Variants in UBE3A observed in about 807,000 individuals in gnomAD.
UBE3A encodes ubiquitin-protein ligase E3A.
A neutral mutation model predicts 83.4 loss-of-function variants in UBE3A; 6 were observed. That is an observed-to-expected ratio of 0.07 (90% confidence interval 0.04 to 0.14). The LOEUF is 0.14. UBE3A is among the 10% of genes least tolerant of loss of function. The probability of loss-of-function intolerance (pLI) is 1.00; values close to 1 mark genes in which losing one functional copy is unlikely to be tolerated. For missense variants in UBE3A, 456 were observed against 1,036.1 expected (o/e 0.44, Z 7.69); for synonymous variants, 337 against 355.4 (o/e 0.95, Z 0.58).
rs774138623 is a variant in UBE3A at position 25,354,339 on chromosome 15, A to G, written c.2354+14T>C. On this transcript the variant is annotated intron_variant, in intron 11 of 12. Coordinates refer to ENST00000648336, the MANE Select transcript of UBE3A (RefSeq NM_130839.5). The stretch of plus-strand genomic sequence containing the variant: ...GGTGAATCAAATCTTCCTCTGAAGA[A>G]CTAAGTACCTCACCTAATCAGAACA... 5 of 1,611,778 alleles carry G rather than the reference A, an allele frequency of 3.1e-6. No homozygotes were observed. Among genetic ancestry groups the G allele is most frequent in the Non-Finnish European group, 3.4e-6 (4 of 1,179,086 alleles).
chr15:25,395,307 T>A (rs2085304510), intron 4 of UBE3A, among the ~76,000 whole-genome samples: 1 of 152,122 alleles, frequency 6.6e-6, no homozygotes, highest in Non-Finnish European at 1.5e-5. Context: ...ATGGTTTAAC[T>A]CAGATTTTAA....
intron 4 of UBE3A, among the ~76,000 whole-genome samples, chr15:25,401,682 T>G (rs1263763119): frequency 6.6e-6 from 1 of 152,184 alleles, no homozygotes; most frequent in Non-Finnish European, 1.5e-5. Context: ...AGTCATCTCT[T>G]TTTTTCTTAG....
At chr15:25,356,623 CAT>C (rs1347853647) in intron 8 of UBE3A, 66 bp downstream of exon 8, 2 of 1,472,522 alleles carry the variant, frequency 1.4e-6, no homozygotes, top group Non-Finnish European at 1.9e-6. Context: ...AAAATTTTGA[CAT>C]AAATTAAATT....
intron 1 of UBE3A, among the ~76,000 whole-genome samples, chr15:25,437,858 G>T (rs1444232818): frequency 6.6e-6 from 1 of 151,818 alleles, no homozygotes; most frequent in Non-Finnish European, 1.5e-5. Context: ...AAAGGGGGGG[G>T]AAAAAAGGCC....
At chr15:25,362,370 G>T (rs1472559534) in intron 6 of UBE3A, among the ~76,000 whole-genome samples, 1 of 152,154 alleles carries the variant, frequency 6.6e-6, no homozygotes, top group Non-Finnish European at 1.5e-5. Context: ...GAAAGACCAA[G>T]AGTCAGTCAG....
At chr15:25,351,996 C>T (rs1034291676) in intron 11 of UBE3A, among the ~76,000 whole-genome samples, 2 of 152,036 alleles carry the variant, frequency 1.3e-5, no homozygotes, top group Non-Finnish European at 1.5e-5. Flanking sequence ...GAGTTTGAGA[C>T]CAGCCTGGCC....
intron 4 of UBE3A, among the ~76,000 whole-genome samples, chr15:25,381,374 A>T (rs2082140859): frequency 6.6e-6 from 1 of 152,258 alleles, no homozygotes. Flanking sequence ...AAGATGTGAC[A>T]GTGAACGCCA....
intron 1 of UBE3A, among the ~76,000 whole-genome samples, chr15:25,413,184 G>A (rs567436456): frequency 1.3e-5 from 2 of 152,176 alleles, no homozygotes; most frequent in African/African-American, 4.8e-5. Flanking sequence ...CCTAATACCA[G>A]ACATAGTTCT....
chr15:25,342,545 G>A (rs560425279), intron 11 of UBE3A, among the ~76,000 whole-genome samples: 3 of 152,052 alleles, frequency 2.0e-5, no homozygotes, highest in Non-Finnish European at 4.4e-5. Context: ...AAGAAAACAC[G>A]AAGAAGCTTC....
chr15:25,335,886 C>T lies in UBE3A; in HGVS notation c.*3251G>A, dbSNP rs988855370. 1 of 152,048 alleles carries T rather than the reference C, an allele frequency of 6.6e-6. No homozygotes were observed. Among genetic ancestry groups the T allele is most frequent in the Non-Finnish European group, 1.5e-5 (1 of 68,042 alleles). The allele number at this position is 152,048 out of a possible 1,614,324, so 9.4% of individuals were successfully genotyped here. ...TAAACTGGGATGGAAAAACAAGTAGCCAGAGAAGCAACAGCCCAAGCTAGG... is the reference window on the plus strand; with the variant it reads ...TAAACTGGGATGGAAAAACAAGTAGTCAGAGAAGCAACAGCCCAAGCTAGG... On this transcript the variant is annotated 3_prime_UTR_variant, in exon 13 of 13. Transcript: ENST00000648336.
At chr15:25,379,226 C>T (rs1438276485) in intron 4 of UBE3A, among the ~76,000 whole-genome samples, 2 of 152,170 alleles carry the variant, frequency 1.3e-5, no homozygotes, top group Admixed American at 6.5e-5. Context: ...ACATACTAAG[C>T]ACTATGAAAG....
At chr15:25,386,905 A>C (rs1478629402) in intron 4 of UBE3A, among the ~76,000 whole-genome samples, 1 of 152,216 alleles carries the variant, frequency 6.6e-6, no homozygotes, top group Non-Finnish European at 1.5e-5. Flanking sequence ...ATTTGTTGTC[A>C]GTACACCTGC....
intron 4 of UBE3A, among the ~76,000 whole-genome samples, chr15:25,384,938 C>T (rs2082845573): frequency 6.6e-6 from 1 of 152,134 alleles, no homozygotes; most frequent in Non-Finnish European, 1.5e-5. Flanking sequence ...TATCTCACAC[C>T]ATATACAAAG....
rs117958202 is a variant in UBE3A at position 25,431,952 on chromosome 15, A to T, written c.-165+6537T>A. ...TAAGACAATTAACAAGCTGGAAATAACCCATATTTCCCCTTATGACCCATT... is the reference window on the plus strand; with the variant it reads ...TAAGACAATTAACAAGCTGGAAATATCCCATATTTCCCCTTATGACCCATT... On this transcript the variant is annotated intron_variant, in intron 1 of 12. Coordinates refer to ENST00000648336, the MANE Select transcript of UBE3A (RefSeq NM_130839.5). Among the ~76,000 whole-genome samples, 81 of 152,328 alleles carry T rather than the reference A, an allele frequency of 5.3e-4. 2 individuals carry two copies. In the East Asian group the frequency reaches 0.013, roughly 24 times the overall value.
chr15:25,372,987 T>C (rs1342284148), intron 5 of UBE3A, among the ~76,000 whole-genome samples: 1 of 152,204 alleles, frequency 6.6e-6, no homozygotes, highest in African/African-American at 2.4e-5. Flanking sequence ...TACCAAATTT[T>C]ATCATACTAA....
chr15:25,352,287 G>A (rs868119704), intron 11 of UBE3A, among the ~76,000 whole-genome samples: 7 of 152,094 alleles, frequency 4.6e-5, no homozygotes, highest in South Asian at 2.1e-4. Flanking sequence ...AAACAGCCTC[G>A]CAGTTTTTAT....
intron 11 of UBE3A, among the ~76,000 whole-genome samples, chr15:25,341,759 C>CAA (rs760767983): frequency 1.1e-4 from 3 of 28,174 alleles, no homozygotes; most frequent in Non-Finnish European, 1.5e-4. Context: ...TGAGCCATCT[C>CAA]AAAAAAAAAA....
intron 11 of UBE3A, among the ~76,000 whole-genome samples, chr15:25,351,759 A>T (rs2076541016): frequency 6.6e-6 from 1 of 152,068 alleles, no homozygotes; most frequent in Admixed American, 6.5e-5. Flanking sequence ...GTGCTGAAAA[A>T]GCTCTCCCTG....
chr15:25,384,951 G>A lies in UBE3A; in HGVS notation c.63-9188C>T, dbSNP rs985091143. Among the ~76,000 whole-genome samples the A allele has an allele frequency of 5.3e-5, 8 of 152,254 alleles. No individual in the cohort carries two copies. The East Asian group carries it at 1.5e-3, about 29-fold the overall frequency. ...CTTATCTCACACCATATACAAAGAT[G>A]AACTCAAGCTGGATTACAGACCTAA... On this transcript the variant is annotated intron_variant, in intron 4 of 12. Coordinates refer to ENST00000648336, the MANE Select transcript of UBE3A (RefSeq NM_130839.5).
Sources: gnomAD v4.1 joint callset for allele counts (sites outside exome capture counted in the v4.1 genomes callset) on GRCh38, gnomAD v4.1.1 for gene constraint, MANE v1.5 for transcripts, NCBI Gene and HGNC (gene_info 2026-07-23, HGNC 2026-07-21) for gene names.